The following GRAMD4 variants were observed in gnomAD, a reference collection of about 807,000 sequenced individuals.
GRAMD4 encodes GRAM domain containing 4.
In GRAMD4, 25 loss-of-function variants were observed where a neutral mutation model predicts 83.9. That is an observed-to-expected ratio of 0.30 (90% CI 0.22 to 0.42). GRAMD4 has a LOEUF of 0.42. Among genes scored for constraint, GRAMD4 ranks in the 10% least tolerant of loss-of-function variants. The pLI, the probability that GRAMD4 is intolerant of heterozygous loss-of-function variation, is 1.00. For synonymous variants in GRAMD4, 336 were observed against 320.9 expected (o/e 1.05, Z -0.50); for missense variants, 593 against 788.7 (o/e 0.75, Z 2.97).
intron 1 of GRAMD4, among the ~76,000 whole-genome samples, chr22:46,581,539 C>T (rs2081098686): frequency 6.6e-6 from 1 of 152,232 alleles, no homozygotes; most frequent in Admixed American, 6.5e-5. Flanking sequence ...AGAGAAATAT[C>T]AGCAATAAAC....
At chr22:46,666,914 C>T (rs1217609974) in intron 10 of GRAMD4, 41 bp downstream of exon 10, 1 of 1,445,706 alleles carries the variant, frequency 6.9e-7, no homozygotes, top group Non-Finnish European at 9.4e-7. Flanking sequence ...CGACTGTCTC[C>T]ATCACGTCAG....
At chr22:46,589,632 A>G (rs767973154) in intron 1 of GRAMD4, among the ~76,000 whole-genome samples, 67 of 152,082 alleles carry the variant, frequency 4.4e-4, no homozygotes, top group Admixed American at 9.8e-4. Flanking sequence ...GAGAGTTCCC[A>G]GCTCTGCCTG....
upstream of GRAMD4, among the ~76,000 whole-genome samples, chr22:46,616,101 CTT>C (rs2081486533): frequency 7.4e-6 from 1 of 134,544 alleles, no homozygotes; most frequent in Non-Finnish European, 1.6e-5. Context: ...TAGGTTCCCC[CTT>C]GTGTAGGTTC....
upstream of GRAMD4, among the ~76,000 whole-genome samples, chr22:46,617,820 C>A (rs904090198): frequency 2.0e-5 from 3 of 152,206 alleles, no homozygotes; most frequent in Non-Finnish European, 4.4e-5. Flanking sequence ...CTCAGCTCCC[C>A]ACATGGGGTT....
intron 1 of GRAMD4, among the ~76,000 whole-genome samples, chr22:46,581,504 ACCCTCCTCT>A (rs939255804): frequency 2.6e-5 from 4 of 152,132 alleles, no homozygotes; most frequent in Admixed American, 2.6e-4. Flanking sequence ...CTTCCTGATA[ACCCTCCTCT>A]AAGGGGGGTT....
intron 1 of GRAMD4, among the ~76,000 whole-genome samples, chr22:46,624,768 C>T (rs2081629249): frequency 6.6e-6 from 1 of 152,210 alleles, no homozygotes; most frequent in African/African-American, 2.4e-5. Context: ...GCTACCTCCC[C>T]ATCACCCACA....
chr22:46,584,128 G>T (rs1186017617), intron 1 of GRAMD4, among the ~76,000 whole-genome samples: 2 of 152,230 alleles, frequency 1.3e-5, no homozygotes, highest in East Asian at 1.9e-4. Context: ...ACGGTGGGTG[G>T]TGTGAGTCCT....
intron 1 of GRAMD4, among the ~76,000 whole-genome samples, chr22:46,623,584 G>C (rs1345596842): frequency 6.6e-6 from 1 of 151,756 alleles, no homozygotes; most frequent in East Asian, 1.9e-4. Flanking sequence ...TTTTAGTAGA[G>C]ATGCAGTTTC....
At chr22:46,625,781 T>C (rs561448290) in intron 1 of GRAMD4, among the ~76,000 whole-genome samples, 1 of 152,348 alleles carries the variant, frequency 6.6e-6, no homozygotes, top group Non-Finnish European at 1.5e-5. Context: ...GATCCTGGCC[T>C]CCAGGCTTTT....
rs769550710 is a variant in GRAMD4 at position 46,658,312 on chromosome 22, C to T, written c.404+5C>T. Reference sequence around the variant, plus strand: ...GCAGGAGGTGCTGAAGGCCAGGTACCGCGCCTTCCTCGGGGCCCTGGCCTG... The same window carrying T: ...GCAGGAGGTGCTGAAGGCCAGGTACTGCGCCTTCCTCGGGGCCCTGGCCTG... On this transcript the variant is annotated splice_donor_5th_base_variant and intron_variant, in intron 4 of 18. Coordinates refer to ENST00000406902, the MANE Select transcript of GRAMD4 (RefSeq NM_015124.5). 2.2e-5 allele frequency: 35 copies of T among 1,605,264 alleles called. No individual in the cohort carries two copies. The African/African-American group carries it at 3.6e-4, about 17-fold the overall frequency.
intron 1 of GRAMD4, among the ~76,000 whole-genome samples, chr22:46,600,004 C>T (rs2081297353): frequency 6.6e-6 from 1 of 152,164 alleles, no homozygotes; most frequent in South Asian, 2.1e-4. Context: ...CTCATCTGAC[C>T]TTAAGGCCAC....
At chr22:46,669,261 T>C (rs928362794) in intron 13 of GRAMD4, among the ~76,000 whole-genome samples, 4 of 152,154 alleles carry the variant, frequency 2.6e-5, no homozygotes, top group African/African-American at 9.7e-5. Flanking sequence ...GTGACAGTCA[T>C]GGAGAGCCTG....
intron 3 of GRAMD4, among the ~76,000 whole-genome samples, chr22:46,652,050 G>C (rs992162202): frequency 6.6e-6 from 1 of 152,160 alleles, no homozygotes; most frequent in Non-Finnish European, 1.5e-5. Context: ...CGATTGTCTC[G>C]AGGGAGAGTG....
At chr22:46,595,519 G>A (rs973914977) in intron 1 of GRAMD4, among the ~76,000 whole-genome samples, 8 of 152,214 alleles carry the variant, frequency 5.3e-5, no homozygotes, top group Admixed American at 2.0e-4. Flanking sequence ...GAGGTGCAGG[G>A]GTAGAGGATT....
intron 2 of GRAMD4, among the ~76,000 whole-genome samples, chr22:46,630,916 A>G (rs2081763517): frequency 6.8e-6 from 1 of 145,998 alleles, no homozygotes; most frequent in Admixed American, 6.8e-5. Flanking sequence ...TGCCCTCCAT[A>G]GCTCCCTCGA....
At chr22:46,670,054 G>A (rs548375696) in intron 13 of GRAMD4, among the ~76,000 whole-genome samples, 3 of 152,366 alleles carry the variant, frequency 2.0e-5, no homozygotes, top group East Asian at 3.9e-4. Flanking sequence ...CAGCGTGTGC[G>A]GCTGTAGGAG....
intron 1 of GRAMD4, among the ~76,000 whole-genome samples, chr22:46,580,616 C>T (rs892788700): frequency 6.6e-6 from 1 of 152,132 alleles, no homozygotes; most frequent in Non-Finnish European, 1.5e-5. Context: ...AATAGTTTAA[C>T]TTGAGAACTT....
chr22:46,643,352 CATCT>C (rs1446753112), intron 3 of GRAMD4, among the ~76,000 whole-genome samples: 1 of 134,742 alleles, frequency 7.4e-6, no homozygotes, highest in Non-Finnish European at 1.6e-5. Flanking sequence ...TCCATCCATC[CATCT>C]ATTTATCCAT....
intron 18 of GRAMD4, 126 bp downstream of exon 18, chr22:46,676,794 G>A (rs186491678): frequency 7.0e-6 from 6 of 859,850 alleles, no homozygotes; most frequent in East Asian, 2.6e-5. Context: ...TCACAAAGCC[G>A]CCCCCTCCCT....
Sources: gnomAD v4.1 joint callset for allele counts (sites outside exome capture counted in the v4.1 genomes callset) on GRCh38, gnomAD v4.1.1 for gene constraint, MANE v1.5 for transcripts, NCBI Gene and HGNC (gene_info 2026-07-23, HGNC 2026-07-21) for gene names.